INPP5B: variants seen among roughly 807,000 people sequenced by gnomAD.
INPP5B encodes type II inositol 1,4,5-trisphosphate 5-phosphatase.
A neutral mutation model predicts 118.5 loss-of-function variants in INPP5B; 90 were observed. That is an observed-to-expected ratio of 0.76 (90% CI 0.64 to 0.90). The LOEUF (loss-of-function observed/expected upper bound fraction) is 0.90, where lower values mean the gene tolerates loss of function less well. Ranked by LOEUF, INPP5B falls within the 40% of genes least tolerant of loss-of-function variation. The pLI, the probability that INPP5B is intolerant of heterozygous loss-of-function variation, is 0.00. For missense variants in INPP5B, 984 were observed against 1,125.6 expected (o/e 0.87, Z 1.80); for synonymous variants, 385 against 418.9 (o/e 0.92, Z 0.99).
intron 7 of INPP5B, among the ~76,000 whole-genome samples, chr1:37,910,175 C>T (rs12753511): frequency 0.59 from 89,724 of 152,058 alleles, 28,344 homozygotes; most frequent in Non-Finnish European, 0.71. Context: ...CACAGATGCT[C>T]TGGATAACTC....
chr1:37,867,367 T>C (rs1406755031), intron 20 of INPP5B, among the ~76,000 whole-genome samples: 1 of 152,236 alleles, frequency 6.6e-6, no homozygotes, highest in African/African-American at 2.4e-5. Context: ...AAAAGTTCCA[T>C]TTGAAAGGAG....
intron 17 of INPP5B, 58 bp downstream of exon 17, chr1:37,875,548 G>GT: frequency 7.5e-7 from 1 of 1,342,126 alleles, no homozygotes; most frequent in South Asian, 1.2e-5. Context: ...GATTACAGGC[G>GT]TGAGCCACTG....
chr1:37,890,931 T>C (rs568654664), intron 8 of INPP5B, among the ~76,000 whole-genome samples: 24 of 152,292 alleles, frequency 1.6e-4, no homozygotes, highest in Admixed American at 5.2e-4. Context: ...TCAGGTATTA[T>C]TAAGAACATT....
chr1:37,872,602 T>A (rs1642528484), intron 19 of INPP5B, among the ~76,000 whole-genome samples: 1 of 151,316 alleles, frequency 6.6e-6, no homozygotes, highest in Non-Finnish European at 1.5e-5. Flanking sequence ...AGAGAAAAGC[T>A]AACACCAAGA....
intron 7 of INPP5B, among the ~76,000 whole-genome samples, chr1:37,903,800 G>C (rs1027696813): frequency 4.6e-5 from 7 of 152,098 alleles, no homozygotes; most frequent in African/African-American, 1.7e-4. Flanking sequence ...TGAAGCAGAA[G>C]AATTGCTTGA....
At chr1:37,939,523 C>T (rs1321388480) in intron 6 of INPP5B, among the ~76,000 whole-genome samples, 1 of 147,640 alleles carries the variant, frequency 6.8e-6, no homozygotes, top group African/African-American at 2.5e-5. Context: ...CGGCTTACTG[C>T]AAGCTCCGCC....
intron 13 of INPP5B, among the ~76,000 whole-genome samples, chr1:37,884,034 T>A (rs533014117): frequency 6.6e-6 from 1 of 152,206 alleles, no homozygotes; most frequent in South Asian, 2.1e-4. Context: ...AAAGTTGAAT[T>A]AAGAGGAAAA....
Position 37,883,413 on chromosome 1 carries a change from G to A in INPP5B, c.1320-495C>T, listed in dbSNP as rs1643327851. 1.0e-5 allele frequency: 10 copies of A among 985,292 alleles called. No individual in the cohort carries two copies. In the South Asian group the frequency reaches 4.2e-4, roughly 42 times the overall value. 61.0% of individuals were successfully genotyped at this position (985,292 alleles called of 1,614,324 possible). On this transcript the variant is annotated intron_variant, in intron 13 of 23. Coordinates refer to ENST00000373024, the MANE Select transcript of INPP5B (RefSeq NM_005540.3). Reference sequence around the variant, plus strand: ...TTATAGTGGAGCCTGGATTTAACCAGCAGTATATCATTGGTTGGCTCTTTC... The same window carrying A: ...TTATAGTGGAGCCTGGATTTAACCAACAGTATATCATTGGTTGGCTCTTTC...
At chr1:37,901,291 A>G (rs576616026) in intron 7 of INPP5B, among the ~76,000 whole-genome samples, 6 of 152,054 alleles carry the variant, frequency 3.9e-5, no homozygotes, top group African/African-American at 1.4e-4. Context: ...CTCTACTACT[A>G]TCTTCCTGTG....
intron 7 of INPP5B, among the ~76,000 whole-genome samples, chr1:37,906,208 A>G (rs1327193929): frequency 1.3e-5 from 2 of 152,202 alleles, no homozygotes; most frequent in Non-Finnish European, 2.9e-5. Flanking sequence ...TACCTTGGCT[A>G]CAGACTCTGT....
At chr1:37,939,514 G>A (rs1271631056) in intron 6 of INPP5B, among the ~76,000 whole-genome samples, 4 of 144,672 alleles carry the variant, frequency 2.8e-5, no homozygotes, top group African/African-American at 2.5e-5. Flanking sequence ...GCGCAATCTC[G>A]GCTTACTGCA....
intron 7 of INPP5B, among the ~76,000 whole-genome samples, chr1:37,895,228 G>A (rs1557661445): frequency 6.6e-6 from 1 of 152,146 alleles, no homozygotes; most frequent in Non-Finnish European, 1.5e-5. Flanking sequence ...ATTGATAGTA[G>A]GCATGGAAAA....
intron 16 of INPP5B, among the ~76,000 whole-genome samples, chr1:37,877,813 T>A (rs897122243): frequency 6.6e-6 from 1 of 152,166 alleles, no homozygotes; most frequent in African/African-American, 2.4e-5. Context: ...TGGAAAGATC[T>A]CCTAAGACAT....
intron 1 of INPP5B, 72 bp from the exon 2 acceptor site, chr1:37,946,406 G>C: frequency 8.9e-7 from 1 of 1,128,148 alleles, no homozygotes; most frequent in Admixed American, 2.0e-5. Flanking sequence ...TGCCTCAGAG[G>C]GGTTGGGGGC....
Position 37,910,810 on chromosome 1 carries a change from C to T in INPP5B, c.533-19356G>A, listed in dbSNP as rs528542566. Among the ~76,000 whole-genome samples the T allele has an allele frequency of 3.9e-5, 6 of 152,282 alleles. No homozygotes were observed. The East Asian group carries it at 1.2e-3, about 29-fold the overall frequency. On this transcript the variant is annotated intron_variant, in intron 7 of 23. Transcript: ENST00000373024. ...ATCTGCACCCTATCGACCAAATTGTCTTGCCTATCCACCCTGTGGTGCCAA... is the reference window on the plus strand; with the variant it reads ...ATCTGCACCCTATCGACCAAATTGTTTTGCCTATCCACCCTGTGGTGCCAA...
intron 7 of INPP5B, among the ~76,000 whole-genome samples, chr1:37,918,242 CCTGATTAAACT>C (rs1347737976): frequency 6.6e-6 from 1 of 152,146 alleles, no homozygotes; most frequent in East Asian, 1.9e-4. Context: ...CTGCACTTGG[CCTGATTAAACT>C]CTGATTTCAT....
chr1:37,867,881 TGA>T (rs746974585), intron 20 of INPP5B, among the ~76,000 whole-genome samples: 4 of 151,936 alleles, frequency 2.6e-5, no homozygotes, highest in Non-Finnish European at 5.9e-5. Flanking sequence ...CAGAAGCTGG[TGA>T]GAGTTCCTGA....
chr1:37,887,128 T>A (rs368145135), intron 11 of INPP5B, 124 bp from the exon 12 acceptor site: 2 of 808,708 alleles, frequency 2.5e-6, no homozygotes, highest in Non-Finnish European at 4.1e-6. Flanking sequence ...AGAACACAGG[T>A]AATCATCTGT....
rs1641647516 is a variant in INPP5B, at chr1:37,860,755, T to C, written c.*1560A>G. The C allele has an allele frequency of 6.6e-6, 1 of 152,246 alleles. No individual in the cohort carries two copies. Among genetic ancestry groups the C allele is most frequent in the Non-Finnish European group, 1.5e-5 (1 of 68,056 alleles). 9.4% of individuals were successfully genotyped at this position (152,246 alleles called of 1,614,324 possible). On this transcript the variant is annotated 3_prime_UTR_variant, in exon 24 of 24. Transcript: ENST00000373024. ...TTACACATGGAGACAGGATGCATCATATACAGTTTGGAAGACTTGCTGGCC... is the reference window on the plus strand; with the variant it reads ...TTACACATGGAGACAGGATGCATCACATACAGTTTGGAAGACTTGCTGGCC...
Sources: gnomAD v4.1 joint callset for allele counts (sites outside exome capture counted in the v4.1 genomes callset) on GRCh38, gnomAD v4.1.1 for gene constraint, MANE v1.5 for transcripts, NCBI Gene and HGNC (gene_info 2026-07-23, HGNC 2026-07-21) for gene names.